Variants in PRF1 observed in about 807,000 individuals in gnomAD.
The protein encoded by PRF1 is perforin 1, also known as perforin-1.
PRF1 carries 11 observed loss-of-function variants against 11.7 expected under a neutral mutation model. That is an observed-to-expected ratio of 0.94 (90% confidence interval 0.59 to 1.56). The LOEUF (loss-of-function observed/expected upper bound fraction) is 1.56. PRF1 is among the 40% of genes most tolerant of loss of function. The pLI is 0.00. For missense variants in PRF1, 729 were observed against 751.0 expected (o/e 0.97, Z 0.34); for synonymous variants, 314 against 327.8 (o/e 0.96, Z 0.45).
rs1848143667 is a variant in PRF1, at chr10:70,597,678, G to C, written c.*375C>G. On this transcript the variant is annotated 3_prime_UTR_variant, in exon 3 of 3. Coordinates refer to ENST00000441259, the MANE Select transcript of PRF1 (RefSeq NM_001083116.3). ...TTAGGCAGTTTGGACAGGGTGAATCGGGATTAGCGTGTAAACCCAGCCACC... is the reference window on the plus strand; with the variant it reads ...TTAGGCAGTTTGGACAGGGTGAATCCGGATTAGCGTGTAAACCCAGCCACC... The C allele has an allele frequency of 1.9e-5, 11 of 587,222 alleles. No individual in the cohort carries two copies. In the South Asian group the frequency reaches 2.4e-4, roughly 13 times the overall value. 36.4% of individuals were successfully genotyped at this position (587,222 alleles called of 1,614,324 possible).
chr10:70,597,913 C>G lies in PRF1; in HGVS notation c.*140G>C. The G allele has an allele frequency of 9.3e-7, 1 of 1,070,094 alleles. No homozygotes were observed. Among genetic ancestry groups the G allele is most frequent in the Non-Finnish European group, 1.4e-6 (1 of 729,764 alleles). The allele number at this position is 1,070,094 out of a possible 1,614,324, so 66.3% of individuals were successfully genotyped here. A position where few individuals can be genotyped will look rare whatever the true frequency, so the allele number is the denominator to read the frequency against. ...GAAAGTTTGCGAATTTGCGTTGGGCCGCATTCAAAGCCATCCTGGGCCGCA... is the reference window on the plus strand; with the variant it reads ...GAAAGTTTGCGAATTTGCGTTGGGCGGCATTCAAAGCCATCCTGGGCCGCA... On this transcript the variant is annotated 3_prime_UTR_variant, in exon 3 of 3. Transcript: ENST00000441259.
chr10:70,600,479 T>C lies in PRF1; in HGVS notation c.424A>G (p.Asn142Asp). Reference sequence around the variant, plus strand: ...GAGCCGGCCACAGACACATGCACATTGCTGGTGGGCTTAGGAGTCACGTCC... The same window carrying C: ...GAGCCGGCCACAGACACATGCACATCGCTGGTGGGCTTAGGAGTCACGTCC... ...GLDVTPKPTS[N>D]VHVSVAGSHS... The change falls in exon 2 of 3, where the codon AAT (asparagine) becomes GAT (aspartate). Residue 142 changes from asparagine (N) to aspartate (D), a missense_variant. Physicochemically the swap from Asn to Asp is conservative, Grantham distance 23 (BLOSUM62 1). Coordinates refer to ENST00000441259, the MANE Select transcript of PRF1 (RefSeq NM_001083116.3). The surrounding 1 kb of genome is among the most constrained non-coding windows in gnomAD (Gnocchi z 4.9). 1 of 1,614,196 alleles carries C rather than the reference T, an allele frequency of 6.2e-7. No homozygotes were observed. Among genetic ancestry groups the C allele is most frequent in the Non-Finnish European group, 8.5e-7 (1 of 1,180,028 alleles).
rs777782785 is a variant in PRF1 at position 70,600,806 on chromosome 10, G to A, written c.97C>T (p.Arg33Cys). The change falls in exon 2 of 3, where the codon CGC (arginine) becomes TGC (cysteine). Residue 33 changes from arginine (R) to cysteine (C), a missense_variant. By Grantham distance (180) the Arg-to-Cys change is radical. Transcript: ENST00000441259. This position sits in a 1 kb window ranked among gnomAD's most constrained non-coding sequence, Gnocchi z 4.9. The stretch of plus-strand genomic sequence containing the variant: ...GCACCAGGCACGAACTTGTGGCTGC[G>A]CTTGCACTCTGAGCGTGCGGCTGTG... ...CHTAARSECK[R>C]SHKFVPGAWL... The A allele has an allele frequency of 1.2e-5, 20 of 1,611,900 alleles. No homozygotes were observed. The highest frequency in any genetic ancestry group is 1.7e-4 in the Middle Eastern group (1 of 6,048).
In PRF1 at chr10:70,600,281, G is replaced by A. The variant is rs1476268739; in HGVS notation, c.539+83C>T. ...GAAGCAGCCTCCAAGTTTGATTGGA[G>A]GACTCTGCCTTTCCAGGGCTCCTAG... On this transcript the variant is annotated intron_variant, in intron 2 of 2. Coordinates refer to ENST00000441259, the MANE Select transcript of PRF1 (RefSeq NM_001083116.3). The surrounding 1 kb of genome is among the most constrained non-coding windows in gnomAD (Gnocchi z 4.9). 12 of 1,574,124 alleles carry A rather than the reference G, an allele frequency of 7.6e-6. No individual in the cohort carries two copies. The highest frequency in any genetic ancestry group is 8.6e-6 in the Non-Finnish European group (10 of 1,163,436).
intron 2 of PRF1, among the ~76,000 whole-genome samples, chr10:70,599,616 A>G (rs909392774): frequency 6.6e-6 from 1 of 152,102 alleles, no homozygotes; most frequent in African/African-American, 2.4e-5. Flanking sequence ...AAAAAAGAAC[A>G]TAAAAGCAAT....
chr10:70,599,183 T>G lies in PRF1; in HGVS notation c.540-2A>C. 1 of 1,614,146 alleles carries G rather than the reference T, an allele frequency of 6.2e-7. No individual in the cohort carries two copies. The highest frequency in any genetic ancestry group is 8.5e-7 in the Non-Finnish European group (1 of 1,180,022). Reference sequence around the variant, plus strand: ...GGGGGAGTGTGTACCACATGGAAACTGCGAGAAGAGAGAGACCTCAGCTGG... The same window carrying G: ...GGGGGAGTGTGTACCACATGGAAACGGCGAGAAGAGAGAGACCTCAGCTGG... On this transcript the variant is annotated splice_acceptor_variant, in intron 2 of 2. Coordinates refer to ENST00000441259, the MANE Select transcript of PRF1 (RefSeq NM_001083116.3). LOFTEE classifies it high-confidence loss of function.
In PRF1 at chr10:70,598,835, A is replaced by G. The variant is rs148237800; in HGVS notation, c.886T>C (p.Tyr296His). ...HKMTASFHQT[Y>H]RERHSEVVGG... ...ACCACTTCCGAGTGGCGCTCCCGGT[A>G]GGTTTGGTGGAAGGAGGCCGTCATC... The change falls in exon 3 of 3, where the codon TAC (tyrosine) becomes CAC (histidine). Residue 296 changes from tyrosine (Y) to histidine (H), a missense_variant. By Grantham distance (83) the Tyr-to-His change is moderately conservative. Coordinates refer to ENST00000441259, the MANE Select transcript of PRF1 (RefSeq NM_001083116.3). 2.3e-5 allele frequency: 37 copies of G among 1,614,096 alleles called. No individual in the cohort carries two copies. Among genetic ancestry groups the G allele is most frequent in the Non-Finnish European group, 2.8e-5 (33 of 1,180,044 alleles).
rs1373180931 is a variant in PRF1, at chr10:70,599,015, G to A, written c.706C>T (p.Leu236Phe). ...AGCTCGCAGGTGCGCAGGGCAGTGA[G>A]GGCCGATATGCGGCCACCCAGCTCC... ...AVELGGRISALTALRTCELAL... is the reference protein window; with the variant it reads ...AVELGGRISAFTALRTCELAL... The change falls in exon 3 of 3, where the codon CTC becomes TTC. Residue 236 changes from leucine (L) to phenylalanine (F), a missense_variant. Transcript: ENST00000441259. The A allele has an allele frequency of 1.3e-5, 21 of 1,613,692 alleles. No individual in the cohort carries two copies. The highest frequency in any genetic ancestry group is 1.7e-5 in the Non-Finnish European group (20 of 1,179,732).
At position 70,599,131 on chromosome 10, in the gene PRF1, A is replaced by T; in HGVS notation, c.590T>A (p.Leu197His). 1 of 1,614,148 alleles carries T rather than the reference A, an allele frequency of 6.2e-7. No homozygotes were observed. The highest frequency in any genetic ancestry group is 8.5e-7 in the Non-Finnish European group (1 of 1,180,014). ...GTTGAAGTGGTGGGGCAGGTCCCCGAGGGCCCTCTTGAAGTCAGGGTGCAG... is the reference window on the plus strand; with the variant it reads ...GTTGAAGTGGTGGGGCAGGTCCCCGTGGGCCCTCTTGAAGTCAGGGTGCAG... ...PPLHPDFKRA[L>H]GDLPHHFNAS... The change falls in exon 3 of 3, where the codon CTC becomes CAC. Residue 197 changes from leucine to histidine, a missense_variant. Physicochemically the swap from Leu to His is moderately conservative, Grantham distance 99. Transcript: ENST00000441259.
In PRF1 at chr10:70,600,254, T is replaced by C. The variant is rs1245587970; in HGVS notation, c.539+110A>G. The C allele has an allele frequency of 6.5e-6, 10 of 1,526,784 alleles. No homozygotes were observed. In the African/African-American group the frequency reaches 1.1e-4, roughly 17 times the overall value. The allele number at this position is 1,526,784 out of a possible 1,614,324, so 94.6% of individuals were successfully genotyped here. ...AGCCAGGATTGCAGTTTCTTCCTGG[T>C]GGAAGCAGCCTCCAAGTTTGATTGG... On this transcript the variant is annotated intron_variant, in intron 2 of 2. Transcript: ENST00000441259. The surrounding 1 kb of genome is among the most constrained non-coding windows in gnomAD (Gnocchi z 4.9).
chr10:70,601,519 C>T (rs760324714), intron 1 of PRF1, among the ~76,000 whole-genome samples: 4 of 151,948 alleles, frequency 2.6e-5, no homozygotes, highest in Non-Finnish European at 4.4e-5. Context: ...AACATCAGCC[C>T]GAATTCTAGA....
Position 70,600,799 on chromosome 10 carries a change from T to A in PRF1, c.104A>T (p.His35Leu). 6.2e-7 allele frequency: 1 copy of A among 1,611,068 alleles called. No homozygotes were observed. Among genetic ancestry groups the A allele is most frequent in the Non-Finnish European group, 8.5e-7 (1 of 1,178,016 alleles). ...CAGCCATGCACCAGGCACGAACTTG[T>A]GGCTGCGCTTGCACTCTGAGCGTGC... ...TAARSECKRS[H>L]KFVPGAWLAG... Residue 35 changes from histidine (H) to leucine (L), a missense_variant, in exon 2 of 3, where the codon CAC becomes CTC. Transcript: ENST00000441259. The surrounding 1 kb of genome is among the most constrained non-coding windows in gnomAD (Gnocchi z 4.9).
Position 70,600,804 on chromosome 10 carries a change from G to A in PRF1, c.99C>T (p.Arg33=), listed in dbSNP as rs1449183175. ...ATGCACCAGGCACGAACTTGTGGCT[G>A]CGCTTGCACTCTGAGCGTGCGGCTG... is the stretch of plus-strand genomic sequence containing the variant. The part of the protein sequence containing the change: ...CHTAARSECK[R]SHKFVPGAWL... The change falls in exon 2 of 3, where the codon CGC becomes CGT. Residue 33 remains arginine (R), a synonymous_variant. Coordinates refer to ENST00000441259, the MANE Select transcript of PRF1 (RefSeq NM_001083116.3). The surrounding 1 kb of genome is among the most constrained non-coding windows in gnomAD (Gnocchi z 4.9). 1.9e-6 allele frequency: 3 copies of A among 1,611,256 alleles called. No homozygotes were observed. Among genetic ancestry groups the A allele is most frequent in the South Asian group, 1.1e-5 (1 of 90,862 alleles).
Position 70,600,829 on chromosome 10 carries a change from G to C in PRF1, c.74C>G (p.Thr25Arg), listed in dbSNP as rs775934637. ...LPLPVPAPCH[T>R]AARSECKRSH... ...GCGCTTGCACTCTGAGCGTGCGGCTGTGTGGCACGGGGCAGGGACGGGCAG... is the reference window on the plus strand; with the variant it reads ...GCGCTTGCACTCTGAGCGTGCGGCTCTGTGGCACGGGGCAGGGACGGGCAG... Residue 25 changes from threonine (T) to arginine (R), a missense_variant, in exon 2 of 3, where the codon ACA becomes AGA. Physicochemically the swap from Thr to Arg is moderately conservative, Grantham distance 71 (BLOSUM62 -1). Coordinates refer to ENST00000441259, the MANE Select transcript of PRF1 (RefSeq NM_001083116.3). This position sits in a 1 kb window ranked among gnomAD's most constrained non-coding sequence, Gnocchi z 4.9. The C allele has an allele frequency of 1.1e-5, 18 of 1,612,680 alleles. No individual in the cohort carries two copies. The Admixed American group carries it at 2.3e-4, about 21-fold the overall frequency.
chr10:70,601,095 A>G (rs1236488933), intron 1 of PRF1, among the ~76,000 whole-genome samples, 163 bp from the exon 2 acceptor site: 1 of 152,178 alleles, frequency 6.6e-6, no homozygotes, highest in African/African-American at 2.4e-5. Context: ...CAGCCCCCAC[A>G]TTGTACAGAT....
Position 70,597,825 on chromosome 10 carries a change from TAAC to T in PRF1, c.*225_*227del, listed in dbSNP as rs980192555. ...GGCCACATGTAAAATCCACTAGCACTAACGATAGCCGATGAGCTAAAAAAAAAA... is the reference window on the plus strand; with the variant it reads ...GGCCACATGTAAAATCCACTAGCACTGATAGCCGATGAGCTAAAAAAAAAA... On this transcript the variant is annotated 3_prime_UTR_variant, in exon 3 of 3. Transcript: ENST00000441259. The T allele has an allele frequency of 2.1e-5, 13 of 614,320 alleles. No individual in the cohort carries two copies. In the African/African-American group the frequency reaches 2.5e-4, roughly 12 times the overall value. 38.1% of individuals were successfully genotyped at this position (614,320 alleles called of 1,614,324 possible).
At chr10:70,599,493 TA>T (rs746168718) in intron 2 of PRF1, among the ~76,000 whole-genome samples, 1 of 152,206 alleles carries the variant, frequency 6.6e-6, no homozygotes, top group Non-Finnish European at 1.5e-5. Context: ...TTCATGCCTG[TA>T]ACCCCAGCAC....
rs1397424804 is a variant in PRF1, at chr10:70,599,150, G to C, written c.571C>G (p.Pro191Ala). 2 of 1,614,198 alleles carry C rather than the reference G, an allele frequency of 1.2e-6. No homozygotes were observed. Among genetic ancestry groups the C allele is most frequent in the African/African-American group, 2.7e-5 (2 of 75,064 alleles). The change falls in exon 3 of 3, where the codon CCT becomes GCT. Residue 191 changes from proline to alanine, a missense_variant. Coordinates refer to ENST00000441259, the MANE Select transcript of PRF1 (RefSeq NM_001083116.3). ...FHVVHTPPLH[P>A]DFKRALGDLP... The stretch of plus-strand genomic sequence containing the variant: ...TCCCCGAGGGCCCTCTTGAAGTCAG[G>C]GTGCAGCGGGGGAGTGTGTACCACA...
At position 70,599,139 on chromosome 10, in the gene PRF1, C is replaced by T; in HGVS notation, c.582G>A (p.Lys194=). 1 of 1,614,168 alleles carries T rather than the reference C, an allele frequency of 6.2e-7. No individual in the cohort carries two copies. The highest frequency in any genetic ancestry group is 1.7e-5 in the Admixed American group (1 of 60,022). The stretch of plus-strand genomic sequence containing the variant: ...GGTGGGGCAGGTCCCCGAGGGCCCT[C>T]TTGAAGTCAGGGTGCAGCGGGGGAG... ...VHTPPLHPDF[K]RALGDLPHHF... is the part of the protein sequence containing the mutation. The change falls in exon 3 of 3, where the codon AAG becomes AAA. Residue 194 remains lysine, a synonymous_variant. Coordinates refer to ENST00000441259, the MANE Select transcript of PRF1 (RefSeq NM_001083116.3).
Sources: allele counts gnomAD v4.1 joint callset (sites outside exome capture counted in the v4.1 genomes callset), GRCh38; gene constraint gnomAD v4.1.1; non-coding constraint Gnocchi (gnomAD v3.1); transcripts MANE v1.5; gene names NCBI Gene and HGNC (gene_info 2026-07-23, HGNC 2026-07-21).